CAMKMT: variants seen among roughly 807,000 people sequenced by gnomAD.
CAMKMT encodes calmodulin-lysine N-methyltransferase, also known as CaM KMT.
Under a neutral mutation model 48.0 loss-of-function variants are expected in CAMKMT, and 53 were observed. That is an observed-to-expected ratio of 1.10 (90% CI 0.89 to 1.39). CAMKMT has a LOEUF of 1.39. Ranked by LOEUF, CAMKMT falls within the 40% of genes most tolerant of loss-of-function variation. The pLI is 0.00. For synonymous variants in CAMKMT, 165 were observed against 152.3 expected, an observed-to-expected ratio of 1.08 and a Z score of -0.61; for missense variants, 428 against 402.7, an observed-to-expected ratio of 1.06 and a Z score of -0.54.
chr2:44,691,301 A>T (rs1676640542), intron 3 of CAMKMT, among the ~76,000 whole-genome samples: 1 of 152,154 alleles, frequency 6.6e-6, no homozygotes, highest in Non-Finnish European at 1.5e-5. Context: ...CTTTCTCAGC[A>T]TCTGCTGGAA....
At chr2:44,510,445 C>T (rs894606764) in intron 3 of CAMKMT, among the ~76,000 whole-genome samples, 1 of 152,180 alleles carries the variant, frequency 6.6e-6, no homozygotes, top group East Asian at 1.9e-4. Context: ...TCTAACATGA[C>T]TCAATTACTG....
chr2:44,506,373 A>G (rs1670262442), intron 3 of CAMKMT, among the ~76,000 whole-genome samples: 1 of 152,100 alleles, frequency 6.6e-6, no homozygotes, highest in African/African-American at 2.4e-5. Flanking sequence ...GGATTTTGTA[A>G]ATAAAGGGAT....
At chr2:44,761,761 G>C (rs1680629401) in intron 9 of CAMKMT, among the ~76,000 whole-genome samples, 1 of 152,216 alleles carries the variant, frequency 6.6e-6, no homozygotes, top group South Asian at 2.1e-4. Flanking sequence ...TGGTACCTAA[G>C]AGGTACTCAG....
intron 10 of CAMKMT, among the ~76,000 whole-genome samples, chr2:44,768,147 A>G (rs1680927001): frequency 6.6e-6 from 1 of 152,040 alleles, no homozygotes; most frequent in African/African-American, 2.4e-5. Context: ...CTGCTAAGTG[A>G]AGCACATAAA....
At chr2:44,385,125 T>C (rs1191225356) in intron 2 of CAMKMT, among the ~76,000 whole-genome samples, 2 of 152,180 alleles carry the variant, frequency 1.3e-5, no homozygotes, top group East Asian at 3.9e-4. Context: ...TGGGATGTGT[T>C]TCCAATTGTT....
At chr2:44,587,480 C>G (rs574162969) in intron 3 of CAMKMT, among the ~76,000 whole-genome samples, 1 of 137,806 alleles carries the variant, frequency 7.3e-6, no homozygotes, top group Non-Finnish European at 1.6e-5. Context: ...CTCTCCGTCT[C>G]CCTCTCTCTC....
chr2:44,619,801 C>T (rs1485139115), intron 3 of CAMKMT, among the ~76,000 whole-genome samples: 2 of 152,272 alleles, frequency 1.3e-5, no homozygotes, highest in East Asian at 3.9e-4. Flanking sequence ...CCTATGGTTT[C>T]ATACCTATAC....
chr2:44,498,576 A>G (rs773261959), intron 3 of CAMKMT, among the ~76,000 whole-genome samples: 19 of 152,172 alleles, frequency 1.2e-4, no homozygotes, highest in Non-Finnish European at 1.8e-4. Flanking sequence ...AGTGGTTTTG[A>G]TGATAAAATC....
intron 3 of CAMKMT, among the ~76,000 whole-genome samples, chr2:44,530,492 T>G (rs1455811625): frequency 6.6e-6 from 1 of 152,182 alleles, no homozygotes; most frequent in African/African-American, 2.4e-5. Flanking sequence ...TTAGCTACAT[T>G]GTTGGCATTT....
chr2:44,742,915 G>A (rs1303277888), intron 7 of CAMKMT, among the ~76,000 whole-genome samples: 1 of 152,126 alleles, frequency 6.6e-6, no homozygotes, highest in Non-Finnish European at 1.5e-5. Context: ...GTGGTAAGAC[G>A]AATCATTAAA....
intron 3 of CAMKMT, among the ~76,000 whole-genome samples, chr2:44,427,100 G>A (rs1684326090): frequency 6.6e-6 from 1 of 152,128 alleles, no homozygotes; most frequent in Non-Finnish European, 1.5e-5. Flanking sequence ...GGGAAAACTG[G>A]TTAACCATAT....
intron 3 of CAMKMT, among the ~76,000 whole-genome samples, chr2:44,499,938 TTG>T (rs36055270): frequency 0.25 from 37,794 of 151,972 alleles, 6,102 homozygotes; most frequent in African/African-American, 0.46. Flanking sequence ...ATAAAAAGCT[TTG>T]TGTACTATGT....
intron 1 of CAMKMT, among the ~76,000 whole-genome samples, chr2:44,364,467 T>C (rs966217296): frequency 6.6e-6 from 1 of 152,126 alleles, no homozygotes; most frequent in Non-Finnish European, 1.5e-5. Flanking sequence ...GTGATCAGGG[T>C]CTCTTTTTCT....
At chr2:44,444,876 CCA>C (rs1411530860) in intron 3 of CAMKMT, among the ~76,000 whole-genome samples, 1 of 152,152 alleles carries the variant, frequency 6.6e-6, no homozygotes, top group Non-Finnish European at 1.5e-5. Context: ...GGACTCAATT[CCA>C]CAGTTTCACC....
At chr2:44,518,012 C>A (rs919741280) in intron 3 of CAMKMT, among the ~76,000 whole-genome samples, 1 of 152,202 alleles carries the variant, frequency 6.6e-6, no homozygotes, top group East Asian at 1.9e-4. Flanking sequence ...ACTACCTACC[C>A]ATCTTGGCTC....
chr2:44,591,657 A>G (rs1015348775), intron 3 of CAMKMT, among the ~76,000 whole-genome samples: 34 of 151,966 alleles, frequency 2.2e-4, no homozygotes, highest in African/African-American at 7.5e-4. Context: ...CAGTGTGGCG[A>G]TTCCTCAGGG....
At chr2:44,396,066 G>T (rs1015237216) in intron 3 of CAMKMT, among the ~76,000 whole-genome samples, 7 of 151,962 alleles carry the variant, frequency 4.6e-5, no homozygotes, top group Admixed American at 1.3e-4. Context: ...CCATTGCCTA[G>T]GAATTTAGGA....
At chr2:44,656,550 C>T (rs1674387076) in intron 3 of CAMKMT, among the ~76,000 whole-genome samples, 1 of 152,042 alleles carries the variant, frequency 6.6e-6, no homozygotes, top group Non-Finnish European at 1.5e-5. Flanking sequence ...TAATGAAACA[C>T]ATTATAGAAA....
chr2:44,757,815 C>T (rs759693700), intron 9 of CAMKMT, among the ~76,000 whole-genome samples: 11 of 152,200 alleles, frequency 7.2e-5, no homozygotes, highest in East Asian at 5.8e-4. Context: ...ACCCCTGCCC[C>T]GACCCCTTGG....
Sources: gnomAD v4.1 joint callset for allele counts (sites outside exome capture counted in the v4.1 genomes callset) on GRCh38, gnomAD v4.1.1 for gene constraint, MANE v1.5 for transcripts, NCBI Gene and HGNC (gene_info 2026-07-23, HGNC 2026-07-21) for gene names.